Variants in SIAH3 observed in about 807,000 individuals in gnomAD.
SIAH3 encodes the protein siah E3 ubiquitin protein ligase family member 3, also known as seven in absentia homolog 3.
A neutral mutation model predicts 12.6 loss-of-function variants in SIAH3; 9 were observed. That is an observed-to-expected ratio of 0.72 (90% CI 0.43 to 1.25). The LOEUF is 1.25. Ranked by LOEUF, SIAH3 falls within the 50% of genes most tolerant of loss-of-function variation. The pLI is 0.00. For missense variants in SIAH3, 390 were observed against 365.4 expected, an observed-to-expected ratio of 1.07 and a Z score of -0.55; for synonymous variants, 154 against 151.1, an observed-to-expected ratio of 1.02 and a Z score of -0.14.
chr13:45,786,654 G>C (rs769273198), intron 1 of SIAH3, among the ~76,000 whole-genome samples: 1 of 152,224 alleles, frequency 6.6e-6, no homozygotes, highest in Non-Finnish European at 1.5e-5. Context: ...GTGTTACCTC[G>C]AGAGGGCATT....
intron 1 of SIAH3, among the ~76,000 whole-genome samples, chr13:45,807,101 T>C (rs916516488): frequency 3.9e-5 from 6 of 152,118 alleles, no homozygotes; most frequent in Admixed American, 3.3e-4. Context: ...TACCTTGGAA[T>C]AAATTTTATA....
chr13:45,830,025 A>C (rs66769936), intron 1 of SIAH3, among the ~76,000 whole-genome samples: 14,043 of 152,200 alleles, frequency 0.092, 943 homozygotes, highest in East Asian at 0.36. Context: ...GGTACACACT[A>C]AGCCAATAGG....
intron 1 of SIAH3, among the ~76,000 whole-genome samples, chr13:45,834,342 G>A (rs1297895048): frequency 2.0e-5 from 3 of 152,146 alleles, no homozygotes; most frequent in Non-Finnish European, 4.4e-5. Context: ...AAGGCTGTCC[G>A]ATTGTGAAGG....
chr13:45,795,170 A>T (rs1243029715), intron 1 of SIAH3, among the ~76,000 whole-genome samples: 1 of 152,228 alleles, frequency 6.6e-6, no homozygotes, highest in Non-Finnish European at 1.5e-5. Context: ...GGAGAGATCC[A>T]GAGGTAATTT....
chr13:45,783,496 C>T lies in SIAH3; in HGVS notation c.697G>A (p.Asp233Asn), dbSNP rs369608485. 9.3e-6 allele frequency: 15 copies of T among 1,614,028 alleles called. No homozygotes were observed. Among genetic ancestry groups the T allele is most frequent in the Non-Finnish European group, 1.3e-5 (15 of 1,180,046 alleles). Reference sequence around the variant, plus strand: ...AGCGAGGTGTTGAGGACGAGGCAGTCCCCGTCCGTAATCACCGAGTCCACG... The same window carrying T: ...AGCGAGGTGTTGAGGACGAGGCAGTTCCCGTCCGTAATCACCGAGTCCACG... ...ECVDSVITDG[D>N]CLVLNTSLAQ... Residue 233 changes from aspartate (D) to asparagine (N), a missense_variant, in exon 2 of 2, where the codon GAC (aspartate) becomes AAC (asparagine). Asp to Asn is a conservative substitution (Grantham distance 23, BLOSUM62 1). Coordinates refer to ENST00000400405, the MANE Select transcript of SIAH3 (RefSeq NM_198849.3).
chr13:45,850,811 C>T (rs1950777923), intron 1 of SIAH3, among the ~76,000 whole-genome samples: 2 of 152,028 alleles, frequency 1.3e-5, no homozygotes, highest in East Asian at 1.9e-4. Flanking sequence ...GCAGCGGCGG[C>T]AGCAGCTAGA....
chr13:45,825,285 C>A (rs1593384530), intron 1 of SIAH3, among the ~76,000 whole-genome samples: 2 of 152,186 alleles, frequency 1.3e-5, no homozygotes, highest in East Asian at 3.9e-4. Context: ...AAGAGCCAAG[C>A]TCCTAGCCAA....
At chr13:45,784,994 G>T (rs956718682) in intron 1 of SIAH3, among the ~76,000 whole-genome samples, 50 of 152,152 alleles carry the variant, frequency 3.3e-4, no homozygotes, top group African/African-American at 9.9e-4. Context: ...TTTGACAAAG[G>T]TCCTCCATGT....
At chr13:45,814,014 G>A (rs370354440) in intron 1 of SIAH3, among the ~76,000 whole-genome samples, 8 of 152,100 alleles carry the variant, frequency 5.3e-5, no homozygotes, top group South Asian at 4.2e-4. Flanking sequence ...CGAGGCAGGC[G>A]GATCATGAGG....
chr13:45,813,961 G>A (rs150921681), intron 1 of SIAH3, among the ~76,000 whole-genome samples: 13 of 152,204 alleles, frequency 8.5e-5, no homozygotes, highest in South Asian at 2.1e-4. Context: ...TCCATAGGCC[G>A]GGCACAGTGG....
rs1021332435 is a variant in SIAH3 at position 45,781,767 on chromosome 13, GTGT to G, written c.*1613_*1615del. 3.0e-4 allele frequency: 45 copies of G among 152,344 alleles called. No individual in the cohort carries two copies. The highest frequency in any genetic ancestry group is 1.0e-3 in the African/African-American group (43 of 41,570). The allele number at this position is 152,344 out of a possible 1,614,324, so 9.4% of individuals were successfully genotyped here. A position where few individuals can be genotyped will look rare whatever the true frequency, so the allele number is the denominator to read the frequency against. On this transcript the variant is annotated 3_prime_UTR_variant, in exon 2 of 2. Transcript: ENST00000400405. ...AATTAACCCAGTTGTTGGGGGAAGG[GTGT>G]TGTGTTTCAGGATCAGTTATTTTTG...
rs1950507868 is a variant in SIAH3 at position 45,782,418 on chromosome 13, T to C, written c.*965A>G. ...CTTTGCATTTGATGATGAGTCCTGGTTCTGCTTTTTGCATGATATGAAAGA... is the reference window on the plus strand; with the variant it reads ...CTTTGCATTTGATGATGAGTCCTGGCTCTGCTTTTTGCATGATATGAAAGA... On this transcript the variant is annotated 3_prime_UTR_variant, in exon 2 of 2. Transcript: ENST00000400405. 6.6e-6 allele frequency: 1 copy of C among 152,112 alleles called. No individual in the cohort carries two copies. The highest frequency in any genetic ancestry group is 6.5e-5 in the Admixed American group (1 of 15,278). 9.4% of individuals were successfully genotyped at this position (152,112 alleles called of 1,614,324 possible). A position where few individuals can be genotyped will look rare whatever the true frequency, so the allele number is the denominator to read the frequency against.
chr13:45,826,293 T>C (rs1950674393), intron 1 of SIAH3, among the ~76,000 whole-genome samples: 1 of 152,062 alleles, frequency 6.6e-6, no homozygotes, highest in South Asian at 2.1e-4. Flanking sequence ...GGATGATGCT[T>C]GGCATATAGT....
intron 1 of SIAH3, among the ~76,000 whole-genome samples, chr13:45,813,765 C>A (rs1040840922): frequency 5.9e-5 from 9 of 152,046 alleles, no homozygotes; most frequent in African/African-American, 1.7e-4. Context: ...CCTCACATGG[C>A]AGAGAGAGGG....
In SIAH3 at chr13:45,829,587, C is replaced by T. The variant is rs149941437; in HGVS notation, c.135+21908G>A. Among the ~76,000 whole-genome samples the T allele has an allele frequency of 1.3e-3, 197 of 152,234 alleles. 1 individual carries two copies. The highest frequency in any genetic ancestry group is 3.4e-3 in the Middle Eastern group (1 of 294). On this transcript the variant is annotated intron_variant, in intron 1 of 1. Coordinates refer to ENST00000400405, the MANE Select transcript of SIAH3 (RefSeq NM_198849.3). ...TCACGCCCCTGCACTCCAGCCCTGG[C>T]GACAGACCAAGACCCTGACTCAAAA...
At chr13:45,845,330 T>C (rs551070821) in intron 1 of SIAH3, among the ~76,000 whole-genome samples, 1 of 152,296 alleles carries the variant, frequency 6.6e-6, no homozygotes, top group Admixed American at 6.5e-5. Flanking sequence ...TCTGCATTTG[T>C]GAAAGGTACA....
chr13:45,802,166 C>T (rs967891151), intron 1 of SIAH3, among the ~76,000 whole-genome samples: 9 of 152,052 alleles, frequency 5.9e-5, no homozygotes, highest in Non-Finnish European at 1.0e-4. Context: ...ATTAGCTGGG[C>T]GTGGTGGCAT....
At chr13:45,797,627 T>A (rs1390490596) in intron 1 of SIAH3, among the ~76,000 whole-genome samples, 1 of 152,142 alleles carries the variant, frequency 6.6e-6, no homozygotes, top group African/African-American at 2.4e-5. Flanking sequence ...CACCTGGGCA[T>A]CTTGTTAAAA....
At chr13:45,787,239 C>G (rs377509918) in intron 1 of SIAH3, among the ~76,000 whole-genome samples, 3 of 152,106 alleles carry the variant, frequency 2.0e-5, no homozygotes, top group African/African-American at 7.2e-5. Context: ...TGTGATGATG[C>G]TGATTTGAAC....
Sources: allele counts gnomAD v4.1 joint callset (sites outside exome capture counted in the v4.1 genomes callset), GRCh38; gene constraint gnomAD v4.1.1; transcripts MANE v1.5; gene names NCBI Gene and HGNC (gene_info 2026-07-23, HGNC 2026-07-21).